The following TMEM132D variants were observed in gnomAD, a reference collection of about 807,000 sequenced individuals.
TMEM132D encodes transmembrane protein 132D.
In TMEM132D, 21 loss-of-function variants were observed where a neutral mutation model predicts 62.3. That is an observed-to-expected ratio of 0.34 (90% CI 0.24 to 0.49). TMEM132D has a LOEUF of 0.49. Ranked by LOEUF, TMEM132D falls within the 20% of genes least tolerant of loss-of-function variation. The pLI, the probability that TMEM132D is intolerant of heterozygous loss-of-function variation, is 0.99. For missense variants in TMEM132D, 1,346 were observed against 1,402.8 expected (o/e 0.96, Z 0.65); for synonymous variants, 621 against 575.6 (o/e 1.08, Z -1.13).
intron 1 of TMEM132D, among the ~76,000 whole-genome samples, chr12:129,772,214 G>T (rs1296943077): frequency 5.3e-5 from 8 of 152,142 alleles, no homozygotes. Flanking sequence ...AGCTGCAACA[G>T]AATTTTCCTT....
chr12:129,248,818 C>A (rs1035494789), intron 4 of TMEM132D, among the ~76,000 whole-genome samples: 2 of 152,136 alleles, frequency 1.3e-5, no homozygotes, highest in African/African-American at 2.4e-5. Context: ...TTCCACAATA[C>A]TTTGCTATAA....
chr12:129,114,747 T>A (rs1875840665), intron 5 of TMEM132D, among the ~76,000 whole-genome samples: 1 of 152,196 alleles, frequency 6.6e-6, no homozygotes, highest in Non-Finnish European at 1.5e-5. Context: ...TTCCCTGCTG[T>A]TGACCTTTGG....
chr12:129,265,568 G>A (rs1423856913), intron 4 of TMEM132D, among the ~76,000 whole-genome samples: 6 of 152,040 alleles, frequency 3.9e-5, no homozygotes, highest in Admixed American at 1.3e-4. Flanking sequence ...TCATGGCTGC[G>A]CACGGAGGGT....
chr12:129,898,154 G>A (rs1202533734), intron 1 of TMEM132D, among the ~76,000 whole-genome samples: 1 of 152,126 alleles, frequency 6.6e-6, no homozygotes, highest in African/African-American at 2.4e-5. Context: ...TGGTATTATT[G>A]ACCAAAGTAT....
chr12:129,507,236 C>G (rs553306570), intron 3 of TMEM132D, among the ~76,000 whole-genome samples: 20 of 152,098 alleles, frequency 1.3e-4, no homozygotes, highest in Middle Eastern at 3.4e-3. Flanking sequence ...AAGTGGTGAA[C>G]AGGGAATACT....
intron 5 of TMEM132D, among the ~76,000 whole-genome samples, chr12:129,128,687 C>T (rs950689068): frequency 4.6e-5 from 7 of 152,082 alleles, no homozygotes; most frequent in African/African-American, 1.7e-4. Flanking sequence ...TTCTAGTGTA[C>T]CCATGACTCA....
At chr12:129,116,844 A>C (rs117112480) in intron 5 of TMEM132D, among the ~76,000 whole-genome samples, 3,192 of 150,940 alleles carry the variant, frequency 0.021, 49 homozygotes, top group Non-Finnish European at 0.034. Context: ...TTTCTTACGA[A>C]ATTAAACATA....
chr12:129,571,002 G>A (rs1467054464), intron 2 of TMEM132D, among the ~76,000 whole-genome samples: 1 of 152,200 alleles, frequency 6.6e-6, no homozygotes, highest in African/African-American at 2.4e-5. Flanking sequence ...AGTCACCAAG[G>A]AAGGGGGAGG....
chr12:129,616,114 G>A (rs1878910123), intron 2 of TMEM132D, among the ~76,000 whole-genome samples: 1 of 152,186 alleles, frequency 6.6e-6, no homozygotes, highest in South Asian at 2.1e-4. Flanking sequence ...TTGTTTGGTG[G>A]GTAAATACAG....
chr12:129,580,181 C>T lies in TMEM132D; in HGVS notation c.969-48976G>A, dbSNP rs549617140. Among the ~76,000 whole-genome samples the T allele has an allele frequency of 1.6e-4, 25 of 152,314 alleles. 1 individual carries two copies. In the South Asian group the frequency reaches 5.2e-3, roughly 32 times the overall value. On this transcript the variant is annotated intron_variant, in intron 2 of 8. Coordinates refer to ENST00000422113, the MANE Select transcript of TMEM132D (RefSeq NM_133448.3). ...TCAAGGTTGTCCCAGGAAGCACTTA[C>T]TCCTCCACCTTTCTGGGATGCAAAC...
At chr12:129,343,502 C>G (rs540213566) in intron 3 of TMEM132D, among the ~76,000 whole-genome samples, 2 of 152,094 alleles carry the variant, frequency 1.3e-5, no homozygotes, top group East Asian at 3.9e-4. Context: ...GTGCAGCACA[C>G]CAACATGTCA....
Position 129,497,753 on chromosome 12 carries a change from C to T in TMEM132D, c.1115+33306G>A, listed in dbSNP as rs573566244. ...CAGCTCGCTACAGCCTCGACTTCCC[C>T]GACTTAAGCAATTCTCTCACCTCAG... On this transcript the variant is annotated intron_variant, in intron 3 of 8. Transcript: ENST00000422113. Among the ~76,000 whole-genome samples, 10 of 152,128 alleles carry T rather than the reference C, an allele frequency of 6.6e-5. 2 individuals carry two copies. The highest frequency in any genetic ancestry group is 1.9e-4 in the East Asian group (1 of 5,162).
chr12:129,601,716 C>A (rs1878487816), intron 2 of TMEM132D, among the ~76,000 whole-genome samples: 1 of 151,724 alleles, frequency 6.6e-6, no homozygotes, highest in South Asian at 2.1e-4. Context: ...AGTCAGAACA[C>A]ACACATTTAT....
intron 1 of TMEM132D, among the ~76,000 whole-genome samples, chr12:129,807,251 C>T (rs1025508782): frequency 1.3e-5 from 2 of 152,114 alleles, no homozygotes; most frequent in African/African-American, 2.4e-5. Flanking sequence ...CCCCAGGGAG[C>T]GGAGTCCACC....
intron 2 of TMEM132D, among the ~76,000 whole-genome samples, chr12:129,587,941 A>G (rs1878076649): frequency 6.6e-6 from 1 of 152,208 alleles, no homozygotes; most frequent in Non-Finnish European, 1.5e-5. Context: ...GAGTCTCAGT[A>G]GATTGGAATC....
intron 2 of TMEM132D, among the ~76,000 whole-genome samples, chr12:129,594,196 G>A (rs1878272093): frequency 6.6e-6 from 1 of 152,128 alleles, no homozygotes; most frequent in Non-Finnish European, 1.5e-5. Flanking sequence ...GCAGAAGTGG[G>A]GTTAAAAGCT....
rs535156129 is a variant in TMEM132D at position 129,495,558 on chromosome 12, G to A, written c.1115+35501C>T. 5.3e-5 allele frequency among the ~76,000 whole-genome samples: 8 copies of A among 152,262 alleles called. No homozygotes were observed. The South Asian group carries it at 1.2e-3, about 24-fold the overall frequency. ...AAAAGCATGAGCTAGACAAGGCCAC[G>A]CCCACCAGCAGGTACAGAGAGGTGG... On this transcript the variant is annotated intron_variant, in intron 3 of 8. Coordinates refer to ENST00000422113, the MANE Select transcript of TMEM132D (RefSeq NM_133448.3).
chr12:129,166,317 C>G (rs73163119), intron 5 of TMEM132D, among the ~76,000 whole-genome samples: 2 of 143,412 alleles, frequency 1.4e-5, no homozygotes, highest in Non-Finnish European at 3.2e-5. Context: ...GTCTAAAGGG[C>G]CACATATGTT....
intron 3 of TMEM132D, among the ~76,000 whole-genome samples, chr12:129,426,359 C>T (rs117514341): frequency 2.1e-3 from 320 of 152,310 alleles, no homozygotes; most frequent in Non-Finnish European, 3.7e-3. Flanking sequence ...CTGTTTCCTA[C>T]GACCACACCT....
Sources: allele counts gnomAD v4.1 joint callset (sites outside exome capture counted in the v4.1 genomes callset), GRCh38; gene constraint gnomAD v4.1.1; transcripts MANE v1.5; gene names NCBI Gene and HGNC (gene_info 2026-07-23, HGNC 2026-07-21).